Variants in ALMS1 observed in about 807,000 individuals in gnomAD.
ALMS1 encodes the protein ALMS1 centrosome and basal body associated protein, also known as centrosome-associated protein ALMS1.
ALMS1 carries 271 observed loss-of-function variants against 352.2 expected under a neutral mutation model. The observed-to-expected ratio is 0.77, with a 90% CI of 0.70 to 0.85. The LOEUF is 0.85. Ranked by LOEUF, ALMS1 falls within the 40% of genes least tolerant of loss-of-function variation. The probability of loss-of-function intolerance (pLI) is 0.00; values close to 1 mark genes in which losing one functional copy is unlikely to be tolerated. For synonymous variants in ALMS1, 1,865 were observed against 1,761.2 expected, an observed-to-expected ratio of 1.06 and a Z score of -1.48; for missense variants, 5,445 against 4,870.7, an observed-to-expected ratio of 1.12 and a Z score of -3.51.
In ALMS1 at chr2:73,450,458, A is replaced by G. The variant is rs769002119; in HGVS notation, c.3931A>G (p.Lys1311Glu). ...LPSSHLTEEA[K>E]NVSAVPGPAD... is the part of the protein sequence containing the mutation. ...AAGTAGTCATCTAACTGAAGAGGCT[A>G]AGAATGTTTCAGCGGTTCCTGGACC... The change falls in exon 8 of 23, where the codon AAG becomes GAG. Residue 1311 changes from lysine (K) to glutamate (E), a missense_variant. Transcript: ENST00000613296. The G allele has an allele frequency of 2.5e-6, 4 of 1,611,324 alleles. No homozygotes were observed. Among genetic ancestry groups the G allele is most frequent in the South Asian group, 1.1e-5 (1 of 90,980 alleles).
rs1048346930 is a variant in ALMS1, at chr2:73,454,243, A to G, written c.7540+176A>G. 3.3e-5 allele frequency: 31 copies of G among 931,524 alleles called. 1 individual carries two copies. Among genetic ancestry groups the G allele is most frequent in the African/African-American group, 3.0e-4 (17 of 56,396 alleles). The allele number at this position is 931,524 out of a possible 1,614,324, so 57.7% of individuals were successfully genotyped here. A position where few individuals can be genotyped will look rare whatever the true frequency, so the allele number is the denominator to read the frequency against. ...TTCCAATAGAATTGTTAGAATGACT[A>G]TATTTCTTCTAACAATCCATAAAAA... On this transcript the variant is annotated intron_variant, in intron 8 of 22. Transcript: ENST00000613296.
chr2:73,505,619 A>C (rs142945962), intron 10 of ALMS1, among the ~76,000 whole-genome samples: 1 of 152,044 alleles, frequency 6.6e-6, no homozygotes, highest in African/African-American at 2.4e-5. Flanking sequence ...ATTCTTAAGT[A>C]AATTAAGTTT....
intron 12 of ALMS1, among the ~76,000 whole-genome samples, chr2:73,540,835 A>G (rs910953974): frequency 6.6e-6 from 1 of 152,238 alleles, no homozygotes; most frequent in African/African-American, 2.4e-5. Context: ...TATCCTAAAT[A>G]TGTGTGCACC....
At chr2:73,555,843 T>G (rs891575364) in intron 13 of ALMS1, among the ~76,000 whole-genome samples, 5 of 152,142 alleles carry the variant, frequency 3.3e-5, no homozygotes, top group Non-Finnish European at 7.4e-5. Context: ...ATATATTAAT[T>G]GACTAACTCT....
chr2:73,533,806 T>C (rs1452689831), intron 11 of ALMS1, among the ~76,000 whole-genome samples: 4 of 152,244 alleles, frequency 2.6e-5, no homozygotes, highest in Non-Finnish European at 5.9e-5. Context: ...TCTTAATGAC[T>C]ATACACGTGC....
At chr2:73,454,657 T>G (rs1558652098) in intron 8 of ALMS1, among the ~76,000 whole-genome samples, 1 of 152,168 alleles carries the variant, frequency 6.6e-6, no homozygotes, top group East Asian at 1.9e-4. Context: ...AGAATTCCAT[T>G]AAAAACAAAA....
intron 16 of ALMS1, among the ~76,000 whole-genome samples, chr2:73,589,211 A>G (rs1395944337): frequency 1.7e-5 from 2 of 116,970 alleles, no homozygotes; most frequent in African/African-American, 1.0e-4. Context: ...GGTAAGCCAG[A>G]TTGATAAACA....
chr2:73,421,440 G>T (rs374725987), intron 3 of ALMS1, among the ~76,000 whole-genome samples: 1 of 152,094 alleles, frequency 6.6e-6, no homozygotes, highest in Admixed American at 6.6e-5. Flanking sequence ...GTTTTAGAGG[G>T]GTGAAGGACT....
chr2:73,564,041 GCTGTGTGTGTGTGT>G (rs1674726690), intron 15 of ALMS1, among the ~76,000 whole-genome samples: 2 of 151,592 alleles, frequency 1.3e-5, no homozygotes, highest in Admixed American at 1.3e-4. Context: ...GGTGTGTGTG[GCTGTGTGTGTGTGT>G]CTGTGTGTGT....
chr2:73,439,954 C>T (rs1372756414), intron 7 of ALMS1, among the ~76,000 whole-genome samples: 1 of 151,946 alleles, frequency 6.6e-6, no homozygotes, highest in Admixed American at 6.6e-5. Context: ...CATGAACATA[C>T]TTTAGAATTT....
chr2:73,466,865 A>C (rs1040088943), intron 9 of ALMS1, among the ~76,000 whole-genome samples: 1 of 152,136 alleles, frequency 6.6e-6, no homozygotes, highest in Non-Finnish European at 1.5e-5. Flanking sequence ...CTTACAGGTT[A>C]GAAGCTGCAT....
chr2:73,603,625 C>T (rs1328595093), intron 21 of ALMS1: 56 of 353,796 alleles, frequency 1.6e-4, no homozygotes, highest in Non-Finnish European at 4.4e-5. Flanking sequence ...TTAGGGAGGC[C>T]GAGGTGTGCA....
At position 73,453,888 on chromosome 2, in the gene ALMS1, C is replaced by T. The variant is rs779210488; in HGVS notation, c.7361C>T (p.Thr2454Ile). The change falls in exon 8 of 23, where the codon ACA becomes ATA. Residue 2454 changes from threonine to isoleucine, a missense_variant. Physicochemically the swap from Thr to Ile is moderately conservative, Grantham distance 89. Transcript: ENST00000613296. ...TTCTTTCCATATGTTTCACCCAAGA[C>T]AAGTATAACAGATAGCAGGGAGGAA... ...LNFFPYVSPK[T>I]SITDSREEEG... 5 of 1,614,030 alleles carry T rather than the reference C, an allele frequency of 3.1e-6. No homozygotes were observed. The highest frequency in any genetic ancestry group is 4.2e-6 in the Non-Finnish European group (5 of 1,179,988).
intron 7 of ALMS1, 75 bp downstream of exon 7, chr2:73,432,366 A>G (rs1217955547): frequency 9.5e-7 from 1 of 1,054,234 alleles, no homozygotes; most frequent in African/African-American, 1.6e-5. Flanking sequence ...AGGTCTATCT[A>G]ATTTTGTATT....
At chr2:73,466,704 G>C (rs1672355323) in intron 9 of ALMS1, among the ~76,000 whole-genome samples, 1 of 151,966 alleles carries the variant, frequency 6.6e-6, no homozygotes, top group Admixed American at 6.6e-5. Flanking sequence ...TCTAATATGG[G>C]AAATTTGTGA....
rs371853987 is a variant in ALMS1 at position 73,602,373 on chromosome 2, G to A, written c.12298+5G>A. ...TGTGCCCGCTGCCCAAGAGAGGTAC[G>A]CCCTGCCCGTTCACTTTCCTGTGAG... On this transcript the variant is annotated splice_donor_5th_base_variant and intron_variant, in intron 20 of 22. Coordinates refer to ENST00000613296, the MANE Select transcript of ALMS1 (RefSeq NM_001378454.1). 1,162 of 1,614,054 alleles carry A rather than the reference G, an allele frequency of 7.2e-4. 13 individuals carry two copies. The South Asian group carries it at 0.012, about 16-fold the overall frequency.
At chr2:73,471,359 G>A (rs546726211) in intron 9 of ALMS1, among the ~76,000 whole-genome samples, 4 of 151,180 alleles carry the variant, frequency 2.6e-5, no homozygotes, top group African/African-American at 9.7e-5. Flanking sequence ...TAATTAAAAA[G>A]CTTTTGCACA....
chr2:73,455,221 G>T lies in ALMS1; in HGVS notation c.7600G>T (p.Glu2534Ter). ...TGGATACTCCATTTCAGAATTAAAT[G>T]AAGATGACAGGAGGAAAGTAGAAGA... The part of the protein sequence containing the change: ...DCGYSISELN[E>*]DDRRKVEEIK... The change falls in exon 9 of 23, where the codon GAA (glutamate) becomes TAA (stop). Residue 2534 changes from glutamate (E) to a stop codon, truncating the protein, a stop_gained. Transcript: ENST00000613296. LOFTEE classifies it high-confidence loss of function. 6.2e-7 allele frequency: 1 copy of T among 1,613,888 alleles called. No individual in the cohort carries two copies.
intron 9 of ALMS1, among the ~76,000 whole-genome samples, chr2:73,460,344 T>G (rs1572943359): frequency 6.6e-6 from 1 of 152,284 alleles, no homozygotes; most frequent in East Asian, 1.9e-4. Flanking sequence ...TGAAAGAAAA[T>G]AAATTATATC....
Sources: allele counts gnomAD v4.1 joint callset (sites outside exome capture counted in the v4.1 genomes callset), GRCh38; gene constraint gnomAD v4.1.1; transcripts MANE v1.5; gene names NCBI Gene and HGNC (gene_info 2026-07-23, HGNC 2026-07-21).